Variants in DLG2 observed in about 807,000 individuals in gnomAD.
DLG2 encodes disks large homolog 2.
In DLG2, 45 loss-of-function variants were observed where a neutral mutation model predicts 132.5. The ratio of observed to expected loss-of-function variants is 0.34; its 90% CI spans 0.27 to 0.44. The LOEUF (loss-of-function observed/expected upper bound fraction) is 0.44. Ranked by LOEUF, DLG2 falls within the 20% of genes least tolerant of loss-of-function variation. DLG2 has a pLI of 1.00. For synonymous variants in DLG2, 424 were observed against 419.6 expected (o/e 1.01, Z -0.13); for missense variants, 1,045 against 1,196.9 (o/e 0.87, Z 1.87).
At chr11:84,059,662 A>T (rs2096559992) in intron 10 of DLG2, among the ~76,000 whole-genome samples, 178 bp from the exon 11 acceptor site, 1 of 152,192 alleles carries the variant, frequency 6.6e-6, no homozygotes, top group South Asian at 2.1e-4. Context: ...AAACTACTCA[A>T]GCCTCTTAGC....
In DLG2 at chr11:85,371,926, C is replaced by T. The variant is rs551153428; in HGVS notation, c.41-86561G>A. 2.3e-4 allele frequency among the ~76,000 whole-genome samples: 35 copies of T among 152,324 alleles called. No individual in the cohort carries two copies. In the East Asian group the frequency reaches 5.6e-3, roughly 24 times the overall value. On this transcript the variant is annotated intron_variant, in intron 3 of 27. Coordinates refer to ENST00000376104, the MANE Select transcript of DLG2 (RefSeq NM_001142699.3). Reference sequence around the variant, plus strand: ...CAGGCCAAGTATAAGACTAAAGTCCCTTTTGCAAACCACTCAGTCCTGACA... The same window carrying T: ...CAGGCCAAGTATAAGACTAAAGTCCTTTTTGCAAACCACTCAGTCCTGACA...
chr11:83,502,143 C>T (rs2094474536), intron 21 of DLG2, among the ~76,000 whole-genome samples: 1 of 152,130 alleles, frequency 6.6e-6, no homozygotes, highest in South Asian at 2.1e-4. Context: ...ATTCTAAGTG[C>T]TTTCCACATA....
chr11:84,053,303 A>T (rs1317381463), intron 11 of DLG2, among the ~76,000 whole-genome samples: 1 of 151,900 alleles, frequency 6.6e-6, no homozygotes, highest in African/African-American at 2.4e-5. Context: ...AGGTACTAGG[A>T]AGAATAGCTG....
intron 4 of DLG2, among the ~76,000 whole-genome samples, chr11:85,192,141 G>C (rs1174621457): frequency 6.6e-6 from 1 of 152,134 alleles, no homozygotes; most frequent in African/African-American, 2.4e-5. Flanking sequence ...AAAAGACTTA[G>C]GGTTATATCC....
rs139222599 is a variant in DLG2, at chr11:83,920,033, T to C, written c.1496+10295A>G. On this transcript the variant is annotated intron_variant, in intron 15 of 27. Coordinates refer to ENST00000376104, the MANE Select transcript of DLG2 (RefSeq NM_001142699.3). ...AGTTAGGGCTGAAATCTAGTCTGAATGCTGTTCACCATGCCACAGACCCTG... is the reference window on the plus strand; with the variant it reads ...AGTTAGGGCTGAAATCTAGTCTGAACGCTGTTCACCATGCCACAGACCCTG... 1.2e-3 allele frequency among the ~76,000 whole-genome samples: 180 copies of C among 152,304 alleles called. 1 individual carries two copies. Among genetic ancestry groups the C allele is most frequent in the Non-Finnish European group, 2.0e-3 (133 of 68,028 alleles).
At chr11:83,628,943 T>C (rs1205702938) in intron 19 of DLG2, among the ~76,000 whole-genome samples, 1 of 152,180 alleles carries the variant, frequency 6.6e-6, no homozygotes, top group African/African-American at 2.4e-5. Flanking sequence ...ACAAAAAGTG[T>C]TATTACTATT....
intron 7 of DLG2, among the ~76,000 whole-genome samples, chr11:84,342,296 G>C (rs1370408454): frequency 6.6e-6 from 1 of 152,158 alleles, no homozygotes; most frequent in East Asian, 1.9e-4. Context: ...CACCAGAAAG[G>C]AATGCCCACC....
intron 6 of DLG2, among the ~76,000 whole-genome samples, chr11:84,990,541 A>G (rs1284454190): frequency 1.3e-5 from 2 of 152,156 alleles, no homozygotes; most frequent in Non-Finnish European, 2.9e-5. Flanking sequence ...CAAAACTACG[A>G]GAAATAAATG....
chr11:84,683,797 G>C (rs552001629), intron 6 of DLG2, among the ~76,000 whole-genome samples: 1 of 152,252 alleles, frequency 6.6e-6, no homozygotes, highest in Admixed American at 6.5e-5. Context: ...GTTCCACAAT[G>C]TCCTATTGCT....
At chr11:85,561,167 A>G (rs2077213892) in intron 3 of DLG2, among the ~76,000 whole-genome samples, 1 of 150,878 alleles carries the variant, frequency 6.6e-6, no homozygotes, top group South Asian at 2.1e-4. Flanking sequence ...ATCAGCCTGA[A>G]AAACATAGTG....
At chr11:85,175,131 C>G (rs998610334) in intron 4 of DLG2, among the ~76,000 whole-genome samples, 1 of 152,116 alleles carries the variant, frequency 6.6e-6, no homozygotes, top group African/African-American at 2.4e-5. Flanking sequence ...CTAGCATCAT[C>G]CTAATGCCAA....
intron 3 of DLG2, among the ~76,000 whole-genome samples, chr11:85,354,459 A>G (rs2083534696): frequency 1.3e-5 from 2 of 152,128 alleles, no homozygotes; most frequent in Admixed American, 6.6e-5. Context: ...CTTCTTATAA[A>G]GTCATTATTT....
intron 7 of DLG2, among the ~76,000 whole-genome samples, chr11:84,407,447 C>T (rs946255553): frequency 6.6e-6 from 1 of 152,122 alleles, no homozygotes; most frequent in African/African-American, 2.4e-5. Flanking sequence ...CACCTGCTCT[C>T]TAAGGCCATA....
chr11:84,916,863 G>C (rs11234242), intron 6 of DLG2, among the ~76,000 whole-genome samples: 75,550 of 151,962 alleles, frequency 0.5, 19,397 homozygotes, highest in South Asian at 0.57. Flanking sequence ...TCTAGCTCAG[G>C]GCCTTTGCAT....
chr11:85,528,696 G>C (rs767806249), intron 3 of DLG2, among the ~76,000 whole-genome samples: 7 of 152,206 alleles, frequency 4.6e-5, no homozygotes, highest in Non-Finnish European at 8.8e-5. Context: ...ACATGAGTAT[G>C]TGACCCATGC....
At chr11:83,876,600 G>T (rs571450194) in intron 15 of DLG2, among the ~76,000 whole-genome samples, 1 of 152,004 alleles carries the variant, frequency 6.6e-6, no homozygotes. Flanking sequence ...GTTCTTATAG[G>T]AGTCCTCTAA....
chr11:84,331,696 G>A (rs900809879), intron 7 of DLG2, among the ~76,000 whole-genome samples: 1 of 151,816 alleles, frequency 6.6e-6, no homozygotes, highest in Admixed American at 6.6e-5. Flanking sequence ...CAATTACATC[G>A]GGGTGGAGTT....
chr11:84,603,995 C>G (rs1024937635), intron 6 of DLG2, among the ~76,000 whole-genome samples: 2 of 151,944 alleles, frequency 1.3e-5, no homozygotes, highest in Non-Finnish European at 2.9e-5. Context: ...ACTACCACCA[C>G]AATGACTACA....
In DLG2 at chr11:83,752,743, G is replaced by A. The variant is rs559765078; in HGVS notation, c.1825+33947C>T. Reference sequence around the variant, plus strand: ...GGGATTGATTCAATAGAGAGAAAATGTTGATAATGCCAAATACAAAGAGGA... The same window carrying A: ...GGGATTGATTCAATAGAGAGAAAATATTGATAATGCCAAATACAAAGAGGA... On this transcript the variant is annotated intron_variant, in intron 18 of 27. Transcript: ENST00000376104. 1.4e-3 allele frequency among the ~76,000 whole-genome samples: 215 copies of A among 151,510 alleles called. 1 individual carries two copies. Among genetic ancestry groups the A allele is most frequent in the African/African-American group, 5.1e-3 (208 of 40,998 alleles).
Sources: allele counts gnomAD v4.1 joint callset (sites outside exome capture counted in the v4.1 genomes callset), GRCh38; gene constraint gnomAD v4.1.1; transcripts MANE v1.5; gene names NCBI Gene and HGNC (gene_info 2026-07-23, HGNC 2026-07-21).